FGF14: variants seen among roughly 807,000 people sequenced by gnomAD.
FGF14 encodes the protein fibroblast growth factor 14.
FGF14 carries 5 observed loss-of-function variants against 25.5 expected under a neutral mutation model. That is an observed-to-expected ratio of 0.20 (90% CI 0.10 to 0.41). FGF14 has a LOEUF of 0.41. Among genes scored for constraint, FGF14 ranks in the 10% least tolerant of loss-of-function variants. The pLI, the probability that FGF14 is intolerant of heterozygous loss-of-function variation, is 1.00. For synonymous variants in FGF14, 138 were observed against 118.3 expected, an observed-to-expected ratio of 1.17 and a Z score of -1.08; for missense variants, 222 against 320.1, an observed-to-expected ratio of 0.69 and a Z score of 2.34.
chr13:102,094,357 T>C (rs1219970227), intron 1 of FGF14, among the ~76,000 whole-genome samples: 2 of 152,156 alleles, frequency 1.3e-5, no homozygotes, highest in African/African-American at 2.4e-5. Flanking sequence ...GAGATTTGTT[T>C]TAAAAATATG....
At chr13:102,314,817 C>T (rs1416317589) in intron 1 of FGF14, among the ~76,000 whole-genome samples, 5 of 151,972 alleles carry the variant, frequency 3.3e-5, no homozygotes, top group African/African-American at 7.2e-5. Context: ...CTTGCTCACA[C>T]CTGCCAGAAG....
intron 1 of FGF14, among the ~76,000 whole-genome samples, chr13:102,087,263 A>C (rs966340876): frequency 7.4e-4 from 113 of 152,268 alleles, no homozygotes; most frequent in African/African-American, 2.6e-3. Flanking sequence ...AGTAGCAGGC[A>C]GACTGAAGTC....
chr13:102,020,670 T>A (rs2040596784), intron 1 of FGF14, among the ~76,000 whole-genome samples: 1 of 152,110 alleles, frequency 6.6e-6, no homozygotes, highest in African/African-American at 2.4e-5. Context: ...TGGGTAGTGC[T>A]AAGAGTACAA....
Position 101,892,098 on chromosome 13 carries a change from G to A in FGF14, c.194-16802C>T, listed in dbSNP as rs534796147. ...CAATAGCTAATTTTCAAGATGTCTA[G>A]AGTTTGCATAGCAAGGAAAATAAAA... On this transcript the variant is annotated intron_variant, in intron 1 of 4. Coordinates refer to ENST00000376143, the MANE Select transcript of FGF14 (RefSeq NM_004115.4). Among the ~76,000 whole-genome samples, 3 of 152,226 alleles carry A rather than the reference G, an allele frequency of 2.0e-5. No homozygotes were observed. The South Asian group carries it at 6.2e-4, about 32-fold the overall frequency.
chr13:101,769,093 T>C (rs1435454278), intron 3 of FGF14, among the ~76,000 whole-genome samples: 2 of 152,092 alleles, frequency 1.3e-5, no homozygotes, highest in South Asian at 2.1e-4. Context: ...TACAAATATC[T>C]CTTAAAGCCC....
intron 1 of FGF14, among the ~76,000 whole-genome samples, chr13:102,214,406 T>A (rs2050283327): frequency 6.6e-6 from 1 of 152,238 alleles, no homozygotes; most frequent in Non-Finnish European, 1.5e-5. Flanking sequence ...TAAAAAAATA[T>A]ATACAAATGT....
intron 1 of FGF14, among the ~76,000 whole-genome samples, chr13:102,202,501 T>C (rs930639929): frequency 8.5e-5 from 13 of 152,158 alleles, no homozygotes; most frequent in Non-Finnish European, 1.9e-4. Flanking sequence ...ACATTTTGAA[T>C]CACCACTAGT....
intron 1 of FGF14, among the ~76,000 whole-genome samples, chr13:101,908,400 A>C (rs750686497): frequency 2.6e-5 from 4 of 152,202 alleles, no homozygotes; most frequent in Non-Finnish European, 4.4e-5. Flanking sequence ...TGTATTATCG[A>C]TTACTGGATA....
chr13:102,058,300 TA>T (rs1667586619), intron 1 of FGF14, among the ~76,000 whole-genome samples: 2 of 152,188 alleles, frequency 1.3e-5, no homozygotes, highest in African/African-American at 4.8e-5. Flanking sequence ...AGAAAGTGAA[TA>T]ACACGGAAAT....
intron 3 of FGF14, among the ~76,000 whole-genome samples, chr13:101,760,274 T>C (rs2037931728): frequency 6.6e-6 from 1 of 152,190 alleles, no homozygotes; most frequent in African/African-American, 2.4e-5. Flanking sequence ...ATATATCTAT[T>C]TGGGGCTTAC....
intron 1 of FGF14, among the ~76,000 whole-genome samples, chr13:102,004,667 T>C (rs936376599): frequency 1.3e-5 from 2 of 152,172 alleles, no homozygotes; most frequent in Admixed American, 1.3e-4. Context: ...CAGGCTGATA[T>C]GGTTTGGCTG....
intron 1 of FGF14, among the ~76,000 whole-genome samples, chr13:102,148,953 C>T (rs1594151349): frequency 1.3e-5 from 2 of 152,008 alleles, no homozygotes; most frequent in African/African-American, 2.4e-5. Flanking sequence ...GCTGCAGTGC[C>T]GCACATGTAT....
At chr13:102,184,800 T>C (rs552147975) in intron 1 of FGF14, among the ~76,000 whole-genome samples, 3 of 152,284 alleles carry the variant, frequency 2.0e-5, no homozygotes, top group Admixed American at 2.0e-4. Flanking sequence ...ATCAAAATAA[T>C]TTAGAATATT....
At chr13:101,949,383 T>A (rs562031193) in intron 1 of FGF14, among the ~76,000 whole-genome samples, 2 of 152,262 alleles carry the variant, frequency 1.3e-5, no homozygotes, top group East Asian at 3.9e-4. Context: ...AAAGTTGCTT[T>A]CCTATTCTTC....
intron 2 of FGF14, among the ~76,000 whole-genome samples, chr13:101,873,777 A>C (rs556516799): frequency 1.4e-3 from 217 of 152,248 alleles, no homozygotes; most frequent in African/African-American, 5.0e-3. Flanking sequence ...CAAAAGCTGC[A>C]AAAGTACATG....
intron 1 of FGF14, among the ~76,000 whole-genome samples, chr13:101,924,985 A>C (rs894363032): frequency 2.6e-5 from 4 of 152,208 alleles, no homozygotes; most frequent in African/African-American, 9.6e-5. Flanking sequence ...AAAGGTGTGC[A>C]TGTGCATGTT....
At chr13:101,895,376 C>A (rs2030482000) in intron 1 of FGF14, among the ~76,000 whole-genome samples, 1 of 152,078 alleles carries the variant, frequency 6.6e-6, no homozygotes, top group Admixed American at 6.6e-5. Flanking sequence ...GTATATAAAT[C>A]CAGGCAAAGC....
At chr13:101,982,960 T>C (rs1235520311) in intron 1 of FGF14, among the ~76,000 whole-genome samples, 4 of 152,210 alleles carry the variant, frequency 2.6e-5, no homozygotes, top group African/African-American at 9.6e-5. Context: ...ATTAATGCTA[T>C]ACAGAAGCTC....
intron 1 of FGF14, among the ~76,000 whole-genome samples, chr13:102,163,107 C>T (rs192326970): frequency 6.6e-6 from 1 of 152,246 alleles, no homozygotes; most frequent in Non-Finnish European, 1.5e-5. Flanking sequence ...TTAAAAAGCT[C>T]CAGTGCTTCC....
Sources: allele counts gnomAD v4.1 joint callset (sites outside exome capture counted in the v4.1 genomes callset), GRCh38; gene constraint gnomAD v4.1.1; transcripts MANE v1.5; gene names NCBI Gene and HGNC (gene_info 2026-07-23, HGNC 2026-07-21).